PKIB: variants seen among roughly 807,000 people sequenced by gnomAD.
PKIB encodes the protein PKI-beta.
Under a neutral mutation model 4.5 loss-of-function variants are expected in PKIB, and 2 were observed. That is an observed-to-expected ratio of 0.44 (90% CI 0.18 to 1.39). The LOEUF is 1.39. Ranked by LOEUF, PKIB falls within the 40% of genes most tolerant of loss-of-function variation. PKIB has a pLI of 0.27. For missense variants in PKIB, 94 were observed against 92.6 expected (o/e 1.02, Z -0.06); for synonymous variants, 38 against 36.0 (o/e 1.06, Z -0.20).
chr6:122,536,640 A>T (rs1336134639), intron 2 of PKIB, among the ~76,000 whole-genome samples: 3 of 152,170 alleles, frequency 2.0e-5, no homozygotes, highest in African/African-American at 7.2e-5. Flanking sequence ...GTCCACTTTG[A>T]AATATGTTGG....
In PKIB at chr6:122,592,477, G is replaced by A. The variant is rs76981833; in HGVS notation, c.-161+6470G>A. ...ATGAAGAAGTTGCATTTTAAATATC[G>A]TCTAGCAATATAGTGTCTGATAATT... On this transcript the variant is annotated intron_variant, in intron 3 of 6. Coordinates refer to the PKIB transcript ENST00000392491. Among the ~76,000 whole-genome samples, 313 of 152,108 alleles carry A rather than the reference G, an allele frequency of 2.1e-3. 7 individuals carry two copies. The East Asian group carries it at 0.042, about 20-fold the overall frequency.
intron 3 of PKIB, among the ~76,000 whole-genome samples, chr6:122,589,489 G>T (rs975323052): frequency 1.3e-5 from 2 of 152,140 alleles, no homozygotes; most frequent in Non-Finnish European, 2.9e-5. Context: ...GGGACTAAAA[G>T]TTGAAGGTGG....
intron 3 of PKIB, among the ~76,000 whole-genome samples, chr6:122,691,743 GATGCTT>G (rs1463364089): frequency 6.6e-6 from 1 of 151,980 alleles, no homozygotes; most frequent in Non-Finnish European, 1.5e-5. Flanking sequence ...GAATGTTTTT[GATGCTT>G]GTGGATGTTC....
In PKIB at chr6:122,689,959, A is replaced by C. The variant is rs113233840; in HGVS notation, c.-9+14815A>C. Among the ~76,000 whole-genome samples, 1,036 of 152,242 alleles carry C rather than the reference A, an allele frequency of 6.8e-3. 19 individuals are homozygous for C. Among genetic ancestry groups the C allele is most frequent in the African/African-American group, 0.023 (972 of 41,550 alleles). On this transcript the variant is annotated intron_variant, in intron 3 of 4. Coordinates refer to ENST00000368452, the MANE Select transcript of PKIB (RefSeq NM_181795.3). ...TCTAGTGTTGGATGCATATATATTT[A>C]AAATTGTTATATCCTCTTGCTTAAT...
chr6:122,506,497 T>C (rs1036754641), intron 2 of PKIB, among the ~76,000 whole-genome samples: 1 of 152,166 alleles, frequency 6.6e-6, no homozygotes, highest in Non-Finnish European at 1.5e-5. Flanking sequence ...ATACTAAAAT[T>C]GGCCCAAATT....
At chr6:122,494,776 T>A (rs913961602) in intron 2 of PKIB, among the ~76,000 whole-genome samples, 11 of 152,112 alleles carry the variant, frequency 7.2e-5, no homozygotes, top group African/African-American at 2.4e-4. Flanking sequence ...AGCCTCCTAC[T>A]CAGAACTGGT....
chr6:122,520,629 G>T, intron 2 of PKIB, among the ~76,000 whole-genome samples: 1 of 150,884 alleles, frequency 6.6e-6, no homozygotes, highest in African/African-American at 2.4e-5. Context: ...AGCTCTCTCT[G>T]TAAATGTGTG....
At chr6:122,617,873 T>C (rs988192627) in intron 1 of PKIB, among the ~76,000 whole-genome samples, 2 of 152,168 alleles carry the variant, frequency 1.3e-5, no homozygotes, top group African/African-American at 2.4e-5. Context: ...ATATTGGGTA[T>C]CTTCCAGTTT....
chr6:122,513,148 C>T (rs898583038), intron 2 of PKIB, among the ~76,000 whole-genome samples: 3 of 152,160 alleles, frequency 2.0e-5, no homozygotes, highest in Admixed American at 6.6e-5. Flanking sequence ...CTCATTCTTC[C>T]CTTCCCTGTA....
intron 1 of PKIB, among the ~76,000 whole-genome samples, chr6:122,619,291 T>C (rs768375013): frequency 1.3e-5 from 2 of 152,204 alleles, no homozygotes; most frequent in Non-Finnish European, 2.9e-5. Context: ...CTTGTAAAAG[T>C]ATTCACCTAC....
intron 2 of PKIB, among the ~76,000 whole-genome samples, chr6:122,501,751 G>T (rs564521246): frequency 9.2e-5 from 14 of 152,226 alleles, no homozygotes; most frequent in African/African-American, 3.4e-4. Context: ...TTTCCTCATT[G>T]TCTTGGCTAT....
At chr6:122,552,785 A>C (rs1458845246) in intron 2 of PKIB, among the ~76,000 whole-genome samples, 1 of 152,132 alleles carries the variant, frequency 6.6e-6, no homozygotes, top group African/African-American at 2.4e-5. Flanking sequence ...CCACCAGTGC[A>C]GCATCAAGGC....
At position 122,516,160 on chromosome 6, in the gene PKIB, C is replaced by T. The variant is rs145090072; in HGVS notation, c.-248+38221C>T. Among the ~76,000 whole-genome samples, 377 of 152,290 alleles carry T rather than the reference C, an allele frequency of 2.5e-3. 2 individuals are homozygous for T. Among genetic ancestry groups the T allele is most frequent in the African/African-American group, 8.7e-3 (360 of 41,562 alleles). On this transcript the variant is annotated intron_variant, in intron 2 of 6. Coordinates refer to the PKIB transcript ENST00000392491. ...AAGTATAAATCTCAAAGAGCACACA[C>T]GTAACTACTTGAGCAGAGGAGTGAG...
intron 2 of PKIB, among the ~76,000 whole-genome samples, chr6:122,647,663 C>A (rs1582773190): frequency 6.6e-6 from 1 of 152,090 alleles, no homozygotes; most frequent in East Asian, 1.9e-4. Flanking sequence ...ATATATCTTA[C>A]GTTAGATAAT....
At chr6:122,543,298 C>G (rs542890317) in intron 2 of PKIB, among the ~76,000 whole-genome samples, 1 of 151,866 alleles carries the variant, frequency 6.6e-6, no homozygotes, top group Non-Finnish European at 1.5e-5. Flanking sequence ...GCATCGCTCA[C>G]GCTGGGAACT....
At chr6:122,485,252 AT>A in intron 2 of PKIB, among the ~76,000 whole-genome samples, 1 of 148,656 alleles carries the variant, frequency 6.7e-6, no homozygotes, top group African/African-American at 2.5e-5. Context: ...GGTGGTCTGT[AT>A]TTTTACTGAG....
chr6:122,663,467 C>A (rs551922548), intron 2 of PKIB, among the ~76,000 whole-genome samples: 2 of 152,106 alleles, frequency 1.3e-5, no homozygotes, highest in African/African-American at 4.8e-5. Flanking sequence ...ACAAACTGGG[C>A]GGCTTAAAAC....
At chr6:122,617,533 G>C (rs1775045478) in intron 1 of PKIB, among the ~76,000 whole-genome samples, 1 of 152,064 alleles carries the variant, frequency 6.6e-6, no homozygotes, top group Non-Finnish European at 1.5e-5. Flanking sequence ...AAACACTGGA[G>C]GAAACAAAAC....
chr6:122,490,507 G>T (rs1486359977), intron 2 of PKIB, among the ~76,000 whole-genome samples: 1 of 152,110 alleles, frequency 6.6e-6, no homozygotes, highest in Non-Finnish European at 1.5e-5. Context: ...GGTCCCTCAT[G>T]AGTGGTTTAG....
Sources: gnomAD v4.1 joint callset for allele counts (sites outside exome capture counted in the v4.1 genomes callset) on GRCh38, gnomAD v4.1.1 for gene constraint, MANE v1.5 for transcripts, NCBI Gene and HGNC (gene_info 2026-07-23, HGNC 2026-07-21) for gene names.